The following TANK variants were observed in gnomAD, a reference collection of about 807,000 sequenced individuals.
TANK encodes the protein TRAF family member-associated NF-kappa-B activator.
In TANK, 15 loss-of-function variants were observed where a neutral mutation model predicts 43.6. That is an observed-to-expected ratio of 0.34 (90% CI 0.23 to 0.53). The LOEUF (loss-of-function observed/expected upper bound fraction) is 0.53, where lower values mean the gene tolerates loss of function less well. Ranked by LOEUF, TANK falls within the 20% of genes least tolerant of loss-of-function variation. The pLI is 0.94. For missense variants in TANK, 417 were observed against 498.6 expected (o/e 0.84, Z 1.56); for synonymous variants, 162 against 178.2 (o/e 0.91, Z 0.73).
intron 1 of TANK, among the ~76,000 whole-genome samples, chr2:161,172,576 G>T (rs1163235713): frequency 6.6e-6 from 1 of 151,944 alleles, no homozygotes; most frequent in Non-Finnish European, 1.5e-5. Flanking sequence ...ATTAGATTCA[G>T]TATCTTCCCT....
intron 2 of TANK, among the ~76,000 whole-genome samples, chr2:161,186,241 A>T (rs1490560504): frequency 1.3e-5 from 2 of 152,248 alleles, no homozygotes; most frequent in Admixed American, 6.5e-5. Flanking sequence ...GCAGAGCCTA[A>T]TCTGGCCCTT....
chr2:161,179,152 C>G (rs886079633), intron 1 of TANK, among the ~76,000 whole-genome samples: 8 of 152,104 alleles, frequency 5.3e-5, no homozygotes, highest in Admixed American at 5.2e-4. Flanking sequence ...GTGGTAACAA[C>G]AGTGCGAACT....
intron 2 of TANK, among the ~76,000 whole-genome samples, chr2:161,191,501 A>G (rs1208270080): frequency 5.3e-5 from 8 of 152,210 alleles, no homozygotes; most frequent in Non-Finnish European, 5.9e-5. Context: ...TTTGTTTGCC[A>G]GAGAGCTTTA....
chr2:161,231,050 T>A lies in TANK; in HGVS notation c.600T>A (p.Asp200Glu). 6.2e-7 allele frequency: 1 copy of A among 1,614,204 alleles called. No homozygotes were observed. The change falls in exon 7 of 8, where the codon GAT becomes GAA. Residue 200 changes from aspartate to glutamate, a missense_variant. By Grantham distance (45) the Asp-to-Glu change is conservative (BLOSUM62 2). Coordinates refer to ENST00000392749, the MANE Select transcript of TANK (RefSeq NM_001199135.3). ...CGCTGTTTAAGCCTCAGGCTAAAGA[T>A]GATATAAATAGAGGTGCACCATCCA... ...QEALFKPQAK[D>E]DINRGAPSIT...
At chr2:161,140,797 A>C (rs1683723913) in intron 1 of TANK, among the ~76,000 whole-genome samples, 1 of 149,930 alleles carries the variant, frequency 6.7e-6, no homozygotes, top group African/African-American at 2.5e-5. Flanking sequence ...GATCAGATTT[A>C]TTTAGGATAG....
intron 2 of TANK, chr2:161,201,333 T>C (rs1314372852): frequency 4.8e-5 from 42 of 883,188 alleles, no homozygotes; most frequent in East Asian, 1.2e-4. Context: ...TGCTAAAGTA[T>C]GTTTTTTAAG....
At chr2:161,148,367 A>G (rs1008069761) in intron 1 of TANK, among the ~76,000 whole-genome samples, 33 of 151,990 alleles carry the variant, frequency 2.2e-4, no homozygotes, top group African/African-American at 7.3e-4. Flanking sequence ...CCACGTTTTA[A>G]TTGGATTGTT....
intron 1 of TANK, chr2:161,160,761 G>T (rs1238297819): frequency 3.5e-6 from 2 of 567,804 alleles, no homozygotes; most frequent in Admixed American, 4.5e-5. Context: ...CGGCTTCAAG[G>T]GAGGGACTCG....
At chr2:161,171,929 C>T (rs753116928) in intron 1 of TANK, among the ~76,000 whole-genome samples, 4 of 152,026 alleles carry the variant, frequency 2.6e-5, no homozygotes, top group Non-Finnish European at 4.4e-5. Context: ...TGGTTAAGAC[C>T]AGAGGATAGA....
Position 161,203,495 on chromosome 2 carries a change from C to T in TANK, c.108C>T (p.Asn36=), listed in dbSNP as rs770648727. 6.2e-7 allele frequency: 1 copy of T among 1,609,234 alleles called. No homozygotes were observed. Among genetic ancestry groups the T allele is most frequent in the East Asian group, 2.2e-5 (1 of 44,656 alleles). The change falls in exon 3 of 8, where the codon AAC becomes AAT. Residue 36 remains asparagine (N), a synonymous_variant. Coordinates refer to ENST00000392749, the MANE Select transcript of TANK (RefSeq NM_001199135.3). ...AVKELQQKTE[N]YEQRIREQQE... ...GGTTTTTATGTCAGCAGACTGAGAA[C>T]TATGAGCAGAGAATACGTGAACAAC...
chr2:161,234,653 A>G, intron 7 of TANK, among the ~76,000 whole-genome samples: 1 of 152,226 alleles, frequency 6.6e-6, no homozygotes, highest in Non-Finnish European at 1.5e-5. Flanking sequence ...CACTTTATTC[A>G]GCCACAAGAA....
chr2:161,217,949 T>C (rs545535115), intron 4 of TANK, among the ~76,000 whole-genome samples: 2 of 152,226 alleles, frequency 1.3e-5, no homozygotes, highest in African/African-American at 2.4e-5. Context: ...CCAGAGAGGA[T>C]AGAATTAACC....
At chr2:161,154,814 A>G (rs1276502763) in intron 1 of TANK, among the ~76,000 whole-genome samples, 1 of 150,276 alleles carries the variant, frequency 6.7e-6, no homozygotes, top group Non-Finnish European at 1.5e-5. Flanking sequence ...GTGCCATCTC[A>G]GGTCACTGCA....
At chr2:161,210,140 C>G (rs1186503879) in intron 4 of TANK, among the ~76,000 whole-genome samples, 2 of 152,066 alleles carry the variant, frequency 1.3e-5, no homozygotes, top group Non-Finnish European at 2.9e-5. Context: ...CTTTGAGGAA[C>G]AAGAAAGATT....
In TANK at chr2:161,181,777, G is replaced by T. The variant is rs140847756; in HGVS notation, c.99+2016G>T. On this transcript the variant is annotated intron_variant, in intron 2 of 7. Coordinates refer to ENST00000392749, the MANE Select transcript of TANK (RefSeq NM_001199135.3). ...TAAAATTCAGCATGAGATTTGGGTG[G>T]GTACACAGAGGCAAACCACATCACT... 1.2e-3 allele frequency among the ~76,000 whole-genome samples: 187 copies of T among 152,198 alleles called. 2 individuals are homozygous for T. Among genetic ancestry groups the T allele is most frequent in the African/African-American group, 4.4e-3 (181 of 41,534 alleles).
Position 161,235,646 on chromosome 2 carries a change from T to G in TANK, c.*128T>G. The G allele has an allele frequency of 1.4e-6, 1 of 737,770 alleles. No individual in the cohort carries two copies. Among genetic ancestry groups the G allele is most frequent in the Non-Finnish European group, 2.0e-6 (1 of 492,446 alleles). 45.7% of individuals were successfully genotyped at this position (737,770 alleles called of 1,614,324 possible). A position where few individuals can be genotyped will look rare whatever the true frequency, so the allele number is the denominator to read the frequency against. ...AATCTAGTTTCACAGCTATTTGAAT[T>G]TTTTTCTGGATTTACTATATAACTC... On this transcript the variant is annotated 3_prime_UTR_variant, in exon 8 of 8. Coordinates refer to ENST00000392749, the MANE Select transcript of TANK (RefSeq NM_001199135.3).
At chr2:161,138,318 T>C (rs1168280285) in intron 1 of TANK, among the ~76,000 whole-genome samples, 2 of 152,188 alleles carry the variant, frequency 1.3e-5, no homozygotes, top group Non-Finnish European at 2.9e-5. Flanking sequence ...AGCTTGTAAG[T>C]GGCAGAACCA....
At chr2:161,159,033 C>T (rs909081024), upstream of TANK, 3 of 152,136 alleles carry the variant, frequency 2.0e-5, no homozygotes, top group Non-Finnish European at 4.4e-5. Flanking sequence ...AAATCCAGAA[C>T]ACTTACAACA....
At chr2:161,200,617 A>G (rs1686361097) in intron 2 of TANK, 1 of 876,228 alleles carries the variant, frequency 1.1e-6, no homozygotes, top group South Asian at 5.3e-5. Context: ...TTTAAAAAAA[A>G]GAATCTTCAA....
Sources: gnomAD v4.1 joint callset for allele counts (sites outside exome capture counted in the v4.1 genomes callset) on GRCh38, gnomAD v4.1.1 for gene constraint, MANE v1.5 for transcripts, NCBI Gene and HGNC (gene_info 2026-07-23, HGNC 2026-07-21) for gene names.